Variants in PLD5 observed in about 807,000 individuals in gnomAD.
The protein encoded by PLD5 is phospholipase D family member 5, also known as inactive phospholipase D5.
PLD5 carries 36 observed loss-of-function variants against 61.1 expected under a neutral mutation model. The ratio of observed to expected loss-of-function variants is 0.59; its 90% confidence interval spans 0.45 to 0.78. The LOEUF is 0.78. Ranked by LOEUF, PLD5 falls within the 30% of genes least tolerant of loss-of-function variation. The probability of loss-of-function intolerance (pLI) is 0.00; values close to 1 mark genes in which losing one functional copy is unlikely to be tolerated. For missense variants in PLD5, 515 were observed against 644.4 expected (o/e 0.80, Z 2.17); for synonymous variants, 243 against 242.8 (o/e 1.00, Z -0.01).
chr1:242,166,531 G>A (rs909267124), intron 5 of PLD5, among the ~76,000 whole-genome samples: 1 of 151,800 alleles, frequency 6.6e-6, no homozygotes, highest in African/African-American at 2.4e-5. Context: ...TTTTCTCTTT[G>A]GCACAGATGC....
intron 1 of PLD5, among the ~76,000 whole-genome samples, chr1:242,484,953 A>C (rs1667907295): frequency 6.6e-6 from 1 of 152,228 alleles, no homozygotes. Flanking sequence ...AACCAAAGAC[A>C]AAAACCACAT....
intron 5 of PLD5, among the ~76,000 whole-genome samples, chr1:242,136,354 T>G (rs145294023): frequency 1.3e-5 from 2 of 152,292 alleles, no homozygotes; most frequent in East Asian, 3.9e-4. Flanking sequence ...GACATCGACC[T>G]TTGTGCTGTA....
chr1:242,509,573 T>A (rs1229299451), intron 1 of PLD5, among the ~76,000 whole-genome samples: 1 of 152,198 alleles, frequency 6.6e-6, no homozygotes, highest in African/African-American at 2.4e-5. Context: ...ATTCATCTTG[T>A]TTTTTGTTAA....
chr1:242,288,008 A>G (rs1245273288), intron 3 of PLD5, among the ~76,000 whole-genome samples: 2 of 152,248 alleles, frequency 1.3e-5, no homozygotes, highest in Admixed American at 6.5e-5. Flanking sequence ...TTACAGAATT[A>G]GAACTGTAAA....
Position 242,405,383 on chromosome 1 carries a change from G to A in PLD5, c.190-57141C>T, listed in dbSNP as rs563506930. Among the ~76,000 whole-genome samples, 80 of 152,218 alleles carry A rather than the reference G, an allele frequency of 5.3e-4. 1 individual carries two copies. The highest frequency in any genetic ancestry group is 1.8e-3 in the African/African-American group (76 of 41,542). ...GGAGGTAGCGGCTAGCATTCAGTGG[G>A]TAGAGGCCAGGGATGCTGCTCATCA... On this transcript the variant is annotated intron_variant, in intron 1 of 9. Coordinates refer to ENST00000536534, the MANE Select transcript of PLD5 (RefSeq NM_001372062.1).
intron 4 of PLD5, among the ~76,000 whole-genome samples, chr1:242,255,195 T>C (rs1672945140): frequency 6.6e-6 from 1 of 152,048 alleles, no homozygotes; most frequent in Non-Finnish European, 1.5e-5. Flanking sequence ...CTTGAAATGT[T>C]CAGCCTCCTT....
chr1:242,519,663 G>A (rs1192615629), intron 1 of PLD5, among the ~76,000 whole-genome samples: 1 of 152,188 alleles, frequency 6.6e-6, no homozygotes, highest in African/African-American at 2.4e-5. Context: ...AGGACCAGCT[G>A]AGAGAGTGAG....
intron 1 of PLD5, among the ~76,000 whole-genome samples, chr1:242,492,222 G>T (rs1196064589): frequency 6.6e-6 from 1 of 152,002 alleles, no homozygotes; most frequent in Non-Finnish European, 1.5e-5. Context: ...TAAAAATAGT[G>T]TACACGGTGG....
intron 1 of PLD5, among the ~76,000 whole-genome samples, chr1:242,388,711 G>A (rs1662741885): frequency 6.6e-6 from 1 of 152,074 alleles, no homozygotes; most frequent in Non-Finnish European, 1.5e-5. Flanking sequence ...AAATCATTGA[G>A]ATTGGGAGGC....
Position 242,515,137 on chromosome 1 carries a change from C to T in PLD5, c.189+8951G>A, listed in dbSNP as rs567849281. Among the ~76,000 whole-genome samples the T allele has an allele frequency of 7.8e-4, 119 of 152,156 alleles. 1 individual carries two copies. Among genetic ancestry groups the T allele is most frequent in the African/African-American group, 2.8e-3 (115 of 41,512 alleles). ...GAAGCCTCCTTCGTGCCCATTTTAC[C>T]CTCAGAAGTAATCGCTAATTCTGAG... On this transcript the variant is annotated intron_variant, in intron 1 of 9. Coordinates refer to ENST00000536534, the MANE Select transcript of PLD5 (RefSeq NM_001372062.1).
intron 5 of PLD5, among the ~76,000 whole-genome samples, chr1:242,167,072 ATAATAG>A (rs60466593): frequency 0.25 from 9,657 of 39,266 alleles, 339 homozygotes; most frequent in Middle Eastern, 0.35. Context: ...AGAGACAATA[ATAATAG>A]TAATAATAAT....
At position 242,394,150 on chromosome 1, in the gene PLD5, GTA is replaced by G. The variant is rs1298256947; in HGVS notation, c.190-45910_190-45909del. ...TGTATATATATGAGTATATATATGT[GTA>G]TATATATGAGTATATATATGTGTAT... On this transcript the variant is annotated intron_variant, in intron 1 of 9. Transcript: ENST00000536534. 9.0e-3 allele frequency among the ~76,000 whole-genome samples: 1,097 copies of G among 122,244 alleles called. 78 individuals are homozygous for G. Among genetic ancestry groups the G allele is most frequent in the Non-Finnish European group, 0.012 (712 of 59,620 alleles). 80.2% of individuals were successfully genotyped at this position (122,244 alleles called of 152,430 possible).
At chr1:242,277,483 A>AC (rs1394200952) in intron 3 of PLD5, among the ~76,000 whole-genome samples, 1 of 115,076 alleles carries the variant, frequency 8.7e-6, no homozygotes, top group African/African-American at 3.1e-5. Flanking sequence ...TAAGAAAAAA[A>AC]CGCACAGATA....
At chr1:242,252,917 A>G (rs1248831791) in intron 4 of PLD5, among the ~76,000 whole-genome samples, 5 of 150,946 alleles carry the variant, frequency 3.3e-5, no homozygotes, top group Non-Finnish European at 4.4e-5. Context: ...CCTGAGTTCA[A>G]ACAGTTCTCC....
At chr1:242,245,435 G>A (rs572622756) in intron 4 of PLD5, among the ~76,000 whole-genome samples, 2 of 152,320 alleles carry the variant, frequency 1.3e-5, no homozygotes, top group African/African-American at 4.8e-5. Flanking sequence ...TTTGTTCACT[G>A]TAACAGCCTC....
intron 1 of PLD5, among the ~76,000 whole-genome samples, chr1:242,478,556 T>C (rs1173248330): frequency 6.6e-6 from 1 of 152,196 alleles, no homozygotes; most frequent in Non-Finnish European, 1.5e-5. Context: ...CCCAGGAATG[T>C]GAAGATCGTA....
chr1:242,370,634 A>G (rs937691999), intron 1 of PLD5, among the ~76,000 whole-genome samples: 3 of 152,046 alleles, frequency 2.0e-5, no homozygotes, highest in Non-Finnish European at 2.9e-5. Flanking sequence ...AGAATTAGGG[A>G]TTCCCTCTGT....
intron 5 of PLD5, among the ~76,000 whole-genome samples, chr1:242,169,077 A>G (rs1666550098): frequency 6.6e-6 from 1 of 151,980 alleles, no homozygotes; most frequent in Non-Finnish European, 1.5e-5. Flanking sequence ...GTCTTTCTTA[A>G]TACACATGAA....
At chr1:242,316,059 C>T (rs1676986329) in intron 2 of PLD5, among the ~76,000 whole-genome samples, 1 of 152,090 alleles carries the variant, frequency 6.6e-6, no homozygotes, top group South Asian at 2.1e-4. Context: ...ATACCTGTTT[C>T]CTCGTGTGGA....
Sources: allele counts gnomAD v4.1 joint callset (sites outside exome capture counted in the v4.1 genomes callset), GRCh38; gene constraint gnomAD v4.1.1; transcripts MANE v1.5; gene names NCBI Gene and HGNC (gene_info 2026-07-23, HGNC 2026-07-21).